SPATA6L: variants seen among roughly 807,000 people sequenced by gnomAD.
SPATA6L encodes the protein spermatogenesis associated 6 like.
In SPATA6L, 68 loss-of-function variants were observed where a neutral mutation model predicts 49.2. The ratio of observed to expected loss-of-function variants is 1.38; its 90% CI spans 1.14 to 1.69. The LOEUF is 1.69. Ranked by LOEUF, SPATA6L falls within the 40% of genes most tolerant of loss-of-function variation. The pLI, the probability that SPATA6L is intolerant of heterozygous loss-of-function variation, is 0.00. For missense variants in SPATA6L, 668 were observed against 464.3 expected, an observed-to-expected ratio of 1.44 and a Z score of -4.03; for synonymous variants, 198 against 165.7, an observed-to-expected ratio of 1.19 and a Z score of -1.50.
chr9:4,662,978 C>G lies in SPATA6L; in HGVS notation c.40-942G>C. 2 of 1,612,990 alleles carry G rather than the reference C, an allele frequency of 1.2e-6. No homozygotes were observed. The highest frequency in any genetic ancestry group is 1.7e-6 in the Non-Finnish European group (2 of 1,179,894). ...CCCACAACCAGATGGACATGTTTGT[C>G]ACTCTCTCGGTGGACAAGTACTCCT... is the stretch of plus-strand genomic sequence containing the variant. On this transcript the variant is annotated intron_variant, in intron 1 of 11. Transcript: ENST00000682582. This position sits in a 1 kb window ranked among gnomAD's most constrained non-coding sequence, Gnocchi z 4.9.
chr9:4,611,929 G>C (rs764371161), intron 9 of SPATA6L, among the ~76,000 whole-genome samples: 43 of 150,160 alleles, frequency 2.9e-4, no homozygotes, highest in Admixed American at 1.1e-3. Flanking sequence ...CTGCAACCTT[G>C]AACTCTTGGA....
At chr9:4,593,503 G>A (rs1191060290), downstream of SPATA6L, among the ~76,000 whole-genome samples, 2 of 151,900 alleles carry the variant, frequency 1.3e-5, no homozygotes, top group African/African-American at 4.8e-5. Context: ...GATAAAAACT[G>A]GAACCCTATT....
chr9:4,613,051 A>T (rs969193606), intron 9 of SPATA6L, among the ~76,000 whole-genome samples: 2 of 151,972 alleles, frequency 1.3e-5, no homozygotes, highest in African/African-American at 2.4e-5. Flanking sequence ...AAAGTAGTGA[A>T]ACCCCATCTC....
chr9:4,661,750 C>CCGACTGCGGTTTTGCTTCAAGGA, intron 2 of SPATA6L, 149 bp downstream of exon 2: 1 of 940,110 alleles, frequency 1.1e-6, no homozygotes. Context: ...AGCAAGTGTT[C>CCGACTGCGGTTTTGCTTCAAGGA]CGACTGCGGT....
intron 11 of SPATA6L, 125 bp downstream of exon 11, chr9:4,604,054 C>A: frequency 3.3e-6 from 2 of 614,676 alleles, no homozygotes; most frequent in East Asian, 2.9e-5. Flanking sequence ...GTTCTCAGGT[C>A]TCCTCCAAGT....
chr9:4,648,444 A>G (rs1403875650), intron 3 of SPATA6L, among the ~76,000 whole-genome samples: 3 of 152,132 alleles, frequency 2.0e-5, no homozygotes, highest in South Asian at 4.1e-4. Flanking sequence ...TCACGCCTGT[A>G]ATCCCAGCAC....
intron 2 of SPATA6L, 47 bp downstream of exon 2, chr9:4,661,852 T>C (rs1270779573): frequency 6.2e-7 from 1 of 1,602,652 alleles, no homozygotes; most frequent in African/African-American, 1.3e-5. Flanking sequence ...ATAAGAACTC[T>C]CAGGTTATCT....
At chr9:4,641,454 T>A (rs547759418) in intron 3 of SPATA6L, among the ~76,000 whole-genome samples, 3 of 152,184 alleles carry the variant, frequency 2.0e-5, no homozygotes, top group African/African-American at 7.2e-5. Flanking sequence ...CCTATGCACA[T>A]CCTCCTGTAT....
intron 9 of SPATA6L, among the ~76,000 whole-genome samples, chr9:4,606,840 T>G (rs1359971565): frequency 1.4e-5 from 2 of 147,148 alleles, no homozygotes; most frequent in African/African-American, 5.2e-5. Flanking sequence ...ACGATCAAAT[T>G]ACTCTGAGCT....
Position 4,616,102 on chromosome 9 carries a change from T to A in SPATA6L, c.995+1821A>T, listed in dbSNP as rs556282572. On this transcript the variant is annotated intron_variant, in intron 9 of 11. Coordinates refer to ENST00000682582, the MANE Select transcript of SPATA6L (RefSeq NM_001353486.2). ...GCCTGGGCAACACAGTGAGACCCCATCTTTACAAAAATAAAAATATGAAAA... is the reference window on the plus strand; with the variant it reads ...GCCTGGGCAACACAGTGAGACCCCAACTTTACAAAAATAAAAATATGAAAA... Among the ~76,000 whole-genome samples the A allele has an allele frequency of 5.3e-5, 8 of 152,082 alleles. No homozygotes were observed. The East Asian group carries it at 1.6e-3, about 29-fold the overall frequency.
At position 4,598,772 on chromosome 9, in the gene SPATA6L, T is replaced by A. The variant is rs1390991982; in HGVS notation, c.*2039A>T. On this transcript the variant is annotated 3_prime_UTR_variant, in exon 12 of 12. Coordinates refer to ENST00000682582, the MANE Select transcript of SPATA6L (RefSeq NM_001353486.2). ...ATAGCGTAACCTTAATGTAACACAA[T>A]ATTTTCTTACTTTTGATGACTACTT... is the stretch of plus-strand genomic sequence containing the variant. Among the ~76,000 whole-genome samples the A allele has an allele frequency of 6.6e-6, 1 of 152,248 alleles. No individual in the cohort carries two copies. The highest frequency in any genetic ancestry group is 1.5e-5 in the Non-Finnish European group (1 of 68,034).
chr9:4,636,143 GA>G (rs1374091739), intron 3 of SPATA6L, among the ~76,000 whole-genome samples: 4 of 151,112 alleles, frequency 2.6e-5, no homozygotes, highest in Non-Finnish European at 4.4e-5. Context: ...GAAATACACT[GA>G]ATTTTTCCAA....
At chr9:4,608,916 A>T (rs1050863491) in intron 9 of SPATA6L, among the ~76,000 whole-genome samples, 136 of 152,322 alleles carry the variant, frequency 8.9e-4, no homozygotes, top group Non-Finnish European at 1.7e-3. Flanking sequence ...AATAAAGAAA[A>T]AAAGAGAGAA....
At chr9:4,656,019 T>C (rs370785000) in intron 3 of SPATA6L, 22 bp downstream of exon 3, 16 of 1,600,614 alleles carry the variant, frequency 1.0e-5, no homozygotes, top group African/African-American at 1.3e-5. Context: ...TGGTTTTTTG[T>C]TTTGTTTTTC....
chr9:4,615,818 A>C (rs1827855599), intron 9 of SPATA6L, among the ~76,000 whole-genome samples: 1 of 152,134 alleles, frequency 6.6e-6, no homozygotes, highest in South Asian at 2.1e-4. Context: ...TCTCTCAGAA[A>C]AGCTTGCTGT....
chr9:4,597,962 T>C (rs1822431674), downstream of SPATA6L, among the ~76,000 whole-genome samples: 1 of 152,210 alleles, frequency 6.6e-6, no homozygotes, highest in Non-Finnish European at 1.5e-5. Context: ...ATTTGGGTGC[T>C]AGGGCTGAAC....
chr9:4,604,767 G>A (rs1464182709), intron 10 of SPATA6L, among the ~76,000 whole-genome samples: 1 of 152,128 alleles, frequency 6.6e-6, no homozygotes, highest in African/African-American at 2.4e-5. Flanking sequence ...GCCACTGGGG[G>A]CACTGTTGTC....
At chr9:4,615,778 A>G (rs80242074) in intron 9 of SPATA6L, among the ~76,000 whole-genome samples, 2,088 of 152,250 alleles carry the variant, frequency 0.014, 38 homozygotes, top group African/African-American at 0.047. Context: ...TGCCCCCAAC[A>G]GTTGCCCAAT....
chr9:4,644,183 C>CAAAAAAAAAAAAAAAAAAAAAA (rs58325546), intron 3 of SPATA6L, among the ~76,000 whole-genome samples: 1 of 45,668 alleles, frequency 2.2e-5, no homozygotes, highest in African/African-American at 5.8e-5. Context: ...GCCATCTCTG[C>CAAAAAAAAAAAAAAAAAAAAAA]AAAAAAAAAA....
Sources: gnomAD v4.1 joint callset for allele counts (sites outside exome capture counted in the v4.1 genomes callset) on GRCh38, gnomAD v4.1.1 for gene constraint, Gnocchi (gnomAD v3.1) non-coding constraint, MANE v1.5 for transcripts, NCBI Gene and HGNC (gene_info 2026-07-23, HGNC 2026-07-21) for gene names.